MYH14: variants seen among roughly 807,000 people sequenced by gnomAD.
MYH14 encodes the protein myosin-14.
MYH14 carries 123 observed loss-of-function variants against 255.5 expected under a neutral mutation model. The observed-to-expected ratio is 0.48, with a 90% confidence interval of 0.42 to 0.56. The LOEUF (loss-of-function observed/expected upper bound fraction) is 0.56, where lower values mean the gene tolerates loss of function less well. MYH14 is among the 20% of genes least tolerant of loss of function. The pLI is 0.00. For synonymous variants in MYH14, 1,095 were observed against 1,161.2 expected, an observed-to-expected ratio of 0.94 and a Z score of 1.16; for missense variants, 2,423 against 2,802.3, an observed-to-expected ratio of 0.86 and a Z score of 3.06.
rs185912184 is a variant in MYH14, at chr19:50,279,462, C to T, written c.4033-575C>T. ...CTGCCTGACCAACATGGTGAAACTT[C>T]GTCTCTACTAAAAATACAAAATTAG... On this transcript the variant is annotated intron_variant, in intron 30 of 42. Coordinates refer to ENST00000642316, the MANE Select transcript of MYH14 (RefSeq NM_001145809.2). 3.5e-4 allele frequency among the ~76,000 whole-genome samples: 54 copies of T among 152,146 alleles called. No individual in the cohort carries two copies. The East Asian group carries it at 9.1e-3, about 26-fold the overall frequency.
Position 50,232,132 on chromosome 19 carries a change from C to T in MYH14, c.1114+62C>T, listed in dbSNP as rs2033429365. 5 of 1,585,398 alleles carry T rather than the reference C, an allele frequency of 3.2e-6. No homozygotes were observed. In the Admixed American group the frequency reaches 5.0e-5, roughly 16 times the overall value. On this transcript the variant is annotated intron_variant, in intron 10 of 42. Transcript: ENST00000642316. ...ACCCCACGGAGAGCTGGGGACCTGG[C>T]CATTCATGCCCCGATCTCTTTGAGC...
chr19:50,270,290 TG>T (rs1305038066), intron 24 of MYH14, among the ~76,000 whole-genome samples: 4 of 152,070 alleles, frequency 2.6e-5, no homozygotes, highest in Non-Finnish European at 5.9e-5. Flanking sequence ...AGGCCGAGGT[TG>T]GTGGATCACC....
At chr19:50,297,381 G>A (rs566083591) in intron 39 of MYH14, among the ~76,000 whole-genome samples, 5 of 152,086 alleles carry the variant, frequency 3.3e-5, no homozygotes, top group South Asian at 2.1e-4. Flanking sequence ...CTGGCTTCCC[G>A]TGGGTGCTGG....
rs3745503 is a variant in MYH14 at position 50,268,152 on chromosome 19, A to G, written c.2827-9A>G. Reference sequence around the variant, plus strand: ...CCTGCTGACCACTAACCTCCCACACACTCCCCAGCTGGAAGAGGAGCGCGC... The same window carrying G: ...CCTGCTGACCACTAACCTCCCACACGCTCCCCAGCTGGAAGAGGAGCGCGC... On this transcript the variant is annotated splice_polypyrimidine_tract_variant and intron_variant, in intron 23 of 42. Transcript: ENST00000642316. 3 of 1,539,876 alleles carry G rather than the reference A, an allele frequency of 1.9e-6. No individual in the cohort carries two copies. The highest frequency in any genetic ancestry group is 1.2e-5 in the South Asian group (1 of 83,922).
At chr19:50,287,161 A>G (rs667776) in intron 34 of MYH14, among the ~76,000 whole-genome samples, 53,949 of 152,090 alleles carry the variant, frequency 0.35, 10,445 homozygotes, top group African/African-American at 0.51. Context: ...AAACATTTGC[A>G]TCCATATAGA....
intron 10 of MYH14, among the ~76,000 whole-genome samples, chr19:50,237,515 G>A (rs4556904): frequency 0.96 from 146,454 of 152,016 alleles, 70,601 homozygotes; most frequent in African/African-American, 0.99. Context: ...TTTAGTAGAG[G>A]CAGGGTTTCA....
At chr19:50,227,094 C>G in intron 8 of MYH14, 128 bp downstream of exon 8, 1 of 446,544 alleles carries the variant, frequency 2.2e-6, no homozygotes, top group Non-Finnish European at 4.6e-6. Context: ...GATGCTCAGG[C>G]GGCATCTGCA....
intron 34 of MYH14, among the ~76,000 whole-genome samples, chr19:50,288,391 C>G (rs1256726034): frequency 1.3e-5 from 2 of 152,158 alleles, no homozygotes; most frequent in African/African-American, 4.8e-5. Flanking sequence ...GGCCTGCAGC[C>G]CTAGGGATAA....
Position 50,276,016 on chromosome 19 carries a change from G to A in MYH14, c.3493G>A (p.Ala1165Thr). Residue 1165 changes from alanine (A) to threonine (T), a missense_variant, in exon 28 of 43, where the codon GCC becomes ACC. This residue lies in a region of MYH14 where 1,513 missense variants were observed against 1,674.8 expected (regional missense o/e 0.90). Coordinates refer to ENST00000642316, the MANE Select transcript of MYH14 (RefSeq NM_001145809.2). This position sits in a 1 kb window ranked among gnomAD's most constrained non-coding sequence, Gnocchi z 4.3. ...GGCAGAAGACGAGGGTGGGGCCCGG[G>A]CCCAGCTGCTGAAATCCCTGCGGGA... is the stretch of plus-strand genomic sequence containing the variant. ...ARAEDEGGARAQLLKSLREAQ... is the reference protein window; with the variant it reads ...ARAEDEGGARTQLLKSLREAQ... 6.2e-7 allele frequency: 1 copy of A among 1,612,906 alleles called. No individual in the cohort carries two copies. The highest frequency in any genetic ancestry group is 8.5e-7 in the Non-Finnish European group (1 of 1,179,666).
intron 6 of MYH14, among the ~76,000 whole-genome samples, chr19:50,225,133 G>A (rs568460054): frequency 2.6e-5 from 4 of 152,164 alleles, no homozygotes. Context: ...CAAATCAGAT[G>A]AAATGAAATT....
intron 30 of MYH14, 83 bp from the exon 31 acceptor site, chr19:50,279,954 C>A: frequency 1.0e-6 from 1 of 958,956 alleles, no homozygotes; most frequent in Non-Finnish European, 1.7e-6. Context: ...ACATTCCTGC[C>A]AGTGTGGTAG....
At chr19:50,301,570 A>G in intron 39 of MYH14, 91 bp from the exon 40 acceptor site, 1 of 851,704 alleles carries the variant, frequency 1.2e-6, no homozygotes, top group Non-Finnish European at 2.0e-6. Context: ...GACAATCATC[A>G]GTGCACTTAA....
Position 50,293,835 on chromosome 19 carries a change from A to G in MYH14, c.5469+148A>G, listed in dbSNP as rs2036174227. Reference sequence around the variant, plus strand: ...GGAGTTCTTAAAAGGGTTGAAAGGCATGATTCACTTGTATTTCTGAGGGGT... The same window carrying G: ...GGAGTTCTTAAAAGGGTTGAAAGGCGTGATTCACTTGTATTTCTGAGGGGT... On this transcript the variant is annotated intron_variant, in intron 39 of 42. Transcript: ENST00000642316. This position sits in a 1 kb window ranked among gnomAD's most constrained non-coding sequence, Gnocchi z 4.1. 2.4e-6 allele frequency: 2 copies of G among 822,212 alleles called. No individual in the cohort carries two copies. The highest frequency in any genetic ancestry group is 2.3e-5 in the South Asian group (1 of 42,804). 50.9% of individuals were successfully genotyped at this position (822,212 alleles called of 1,614,324 possible). A position where few individuals can be genotyped will look rare whatever the true frequency, so the allele number is the denominator to read the frequency against.
In MYH14 at chr19:50,280,337, C is replaced by G; in HGVS notation, c.4244C>G (p.Ala1415Gly). The G allele has an allele frequency of 6.5e-7, 1 of 1,549,142 alleles. No homozygotes were observed. The highest frequency in any genetic ancestry group is 8.7e-7 in the Non-Finnish European group (1 of 1,146,210). Residue 1415 changes from alanine (A) to glycine (G), a missense_variant, in exon 32 of 43, where the codon GCT becomes GGT. Ala to Gly is a moderately conservative substitution (Grantham distance 60). Coordinates refer to ENST00000642316, the MANE Select transcript of MYH14 (RefSeq NM_001145809.2). The surrounding 1 kb of genome is among the most constrained non-coding windows in gnomAD (Gnocchi z 4.8). ...GLREQLEEEA[A>G]ARERAGRELQ... is the part of the protein sequence containing the mutation. ...CGTGAGCAGCTGGAGGAGGAGGCAG[C>G]TGCCAGGGAACGGGCGGGCCGTGAA...
At chr19:50,296,619 AAG>A (rs1477799024) in intron 39 of MYH14, among the ~76,000 whole-genome samples, 3 of 152,194 alleles carry the variant, frequency 2.0e-5, no homozygotes, top group African/African-American at 7.2e-5. Flanking sequence ...AAAAAAGAAA[AAG>A]AAAAGAAGAG....
chr19:50,309,465 T>A, intron 42 of MYH14, 175 bp from the exon 43 acceptor site: 1 of 625,048 alleles, frequency 1.6e-6, no homozygotes. Flanking sequence ...TGCCCCCCAT[T>A]GCTTCTGCCC....
At chr19:50,270,516 C>T (rs1470251342) in intron 24 of MYH14, among the ~76,000 whole-genome samples, 5 of 127,916 alleles carry the variant, frequency 3.9e-5, no homozygotes, top group Middle Eastern at 4.5e-3. Context: ...AGCAAAACTC[C>T]GTCTCAAAAA....
intron 19 of MYH14, 93 bp downstream of exon 19, chr19:50,259,358 C>G: frequency 1.4e-6 from 2 of 1,473,934 alleles, no homozygotes; most frequent in South Asian, 2.5e-5. Context: ...TCCACCCACT[C>G]TTGTTCCTTC....
At chr19:50,212,287 G>A (rs2032239244) in intron 2 of MYH14, among the ~76,000 whole-genome samples, 1 of 152,180 alleles carries the variant, frequency 6.6e-6, no homozygotes. Context: ...GTTCTAATGG[G>A]CAGCCAAGGG....
Sources: allele counts gnomAD v4.1 joint callset (sites outside exome capture counted in the v4.1 genomes callset), GRCh38; gene constraint gnomAD v4.1.1; regional missense constraint gnomAD v4.1.1; non-coding constraint Gnocchi (gnomAD v3.1); transcripts MANE v1.5; gene names NCBI Gene and HGNC (gene_info 2026-07-23, HGNC 2026-07-21).